SYN3: variants seen among roughly 807,000 people sequenced by gnomAD.
SYN3 encodes synapsin-3.
In SYN3, 35 loss-of-function variants were observed where a neutral mutation model predicts 65.8. The observed-to-expected ratio is 0.53, with a 90% CI of 0.41 to 0.70. SYN3 has a LOEUF of 0.70. Ranked by LOEUF, SYN3 falls within the 30% of genes least tolerant of loss-of-function variation. The pLI is 0.00. For missense variants in SYN3, 680 were observed against 749.0 expected (o/e 0.91, Z 1.08); for synonymous variants, 270 against 292.9 (o/e 0.92, Z 0.80).
chr22:32,961,206 G>A (rs2051640719), intron 3 of SYN3, among the ~76,000 whole-genome samples: 1 of 152,130 alleles, frequency 6.6e-6, no homozygotes, highest in South Asian at 2.1e-4. Context: ...ATGTCTCCAG[G>A]CATTGCCAAA....
intron 7 of SYN3, among the ~76,000 whole-genome samples, chr22:32,542,225 C>T (rs1413288332): frequency 2.0e-5 from 3 of 152,068 alleles, no homozygotes; most frequent in Non-Finnish European, 4.4e-5. Flanking sequence ...AGCAAAATCA[C>T]TGAAGCAGCT....
rs146903953 is a variant in SYN3, at chr22:32,775,535, T to C, written c.711+89380A>G. 3.3e-5 allele frequency among the ~76,000 whole-genome samples: 5 copies of C among 152,290 alleles called. No individual in the cohort carries two copies. The East Asian group carries it at 9.7e-4, about 29-fold the overall frequency. ...CCTTTGCATTGCAGTAGAGGACACATGTATCCTTAGCCTAATGCATCCTCC... is the reference window on the plus strand; with the variant it reads ...CCTTTGCATTGCAGTAGAGGACACACGTATCCTTAGCCTAATGCATCCTCC... On this transcript the variant is annotated intron_variant, in intron 6 of 13. Transcript: ENST00000358763.
At chr22:32,554,638 A>G (rs546417387) in intron 7 of SYN3, among the ~76,000 whole-genome samples, 75 of 152,268 alleles carry the variant, frequency 4.9e-4, no homozygotes, top group African/African-American at 1.5e-3. Context: ...AAAATAGCCA[A>G]TCGGAATTAG....
intron 6 of SYN3, among the ~76,000 whole-genome samples, chr22:32,698,811 T>C (rs2060772741): frequency 6.6e-6 from 1 of 152,214 alleles, no homozygotes; most frequent in South Asian, 2.1e-4. Flanking sequence ...CTGTAGGAAG[T>C]AAATACTATT....
chr22:33,043,261 G>GC (rs1342373367), intron 1 of SYN3, among the ~76,000 whole-genome samples: 1 of 152,178 alleles, frequency 6.6e-6, no homozygotes. Context: ...AAAAGCACAA[G>GC]CAAGAGCTGG....
intron 7 of SYN3, among the ~76,000 whole-genome samples, chr22:32,542,965 C>T (rs901894753): frequency 6.6e-6 from 1 of 152,146 alleles, no homozygotes; most frequent in East Asian, 1.9e-4. Context: ...CTCACCCCGA[C>T]AGCAGAGGAG....
intron 2 of SYN3, among the ~76,000 whole-genome samples, chr22:32,989,988 A>G (rs1412171171): frequency 6.6e-6 from 1 of 152,226 alleles, no homozygotes; most frequent in African/African-American, 2.4e-5. Context: ...AGGCTACATC[A>G]TGCCTTCAGC....
At chr22:32,782,256 CG>C (rs1225738246) in intron 6 of SYN3, among the ~76,000 whole-genome samples, 1 of 151,536 alleles carries the variant, frequency 6.6e-6, no homozygotes, top group Non-Finnish European at 1.5e-5. Context: ...TTAATAGAGA[CG>C]GGGTTTTACC....
intron 7 of SYN3, among the ~76,000 whole-genome samples, chr22:32,594,095 G>C (rs2059164012): frequency 6.6e-6 from 1 of 152,062 alleles, no homozygotes. Context: ...TAGTGGAGTG[G>C]AGGGGGCTGG....
chr22:32,611,367 C>A (rs916197230), intron 6 of SYN3, among the ~76,000 whole-genome samples: 1 of 147,046 alleles, frequency 6.8e-6, no homozygotes, highest in African/African-American at 2.5e-5. Context: ...CATCTCGGCT[C>A]ACTGCAACCT....
rs56070943 is a variant in SYN3 at position 32,835,829 on chromosome 22, T to C, written c.711+29086A>G. On this transcript the variant is annotated intron_variant, in intron 6 of 13. Transcript: ENST00000358763. Reference sequence around the variant, plus strand: ...AGAGCCCTGGGGCCCACCCAGCTTGTAAGTGGAGATTTGAATCCAGACTTC... The same window carrying C: ...AGAGCCCTGGGGCCCACCCAGCTTGCAAGTGGAGATTTGAATCCAGACTTC... Among the ~76,000 whole-genome samples, 552 of 152,290 alleles carry C rather than the reference T, an allele frequency of 3.6e-3. 4 individuals carry two copies. The highest frequency in any genetic ancestry group is 9.1e-3 in the South Asian group (44 of 4,818).
At chr22:32,707,627 A>G (rs958917727) in intron 6 of SYN3, among the ~76,000 whole-genome samples, 1 of 152,180 alleles carries the variant, frequency 6.6e-6, no homozygotes, top group African/African-American at 2.4e-5. Context: ...CTCTTGAGGC[A>G]TCTGGGAGGC....
intron 6 of SYN3, among the ~76,000 whole-genome samples, chr22:32,652,805 A>C (rs1199523743): frequency 6.6e-6 from 1 of 152,136 alleles, no homozygotes; most frequent in Non-Finnish European, 1.5e-5. Context: ...GGAGATCAGA[A>C]CCGAGAGGTC....
chr22:32,544,231 C>A (rs778990806), intron 7 of SYN3, among the ~76,000 whole-genome samples: 2 of 152,242 alleles, frequency 1.3e-5, no homozygotes, highest in African/African-American at 2.4e-5. Context: ...AGCCACTGCG[C>A]CTGGCCCCTA....
intron 6 of SYN3, among the ~76,000 whole-genome samples, chr22:32,831,737 C>T (rs2047580107): frequency 6.6e-6 from 1 of 152,148 alleles, no homozygotes; most frequent in South Asian, 2.1e-4. Context: ...GCATTAATGT[C>T]CAGTGCTCCC....
intron 6 of SYN3, among the ~76,000 whole-genome samples, chr22:32,734,628 G>A (rs941040422): frequency 6.6e-6 from 1 of 152,192 alleles, no homozygotes; most frequent in Non-Finnish European, 1.5e-5. Context: ...GACAGAGAAG[G>A]ATAAAGACGA....
At chr22:32,838,440 C>T (rs2047799399) in intron 6 of SYN3, among the ~76,000 whole-genome samples, 1 of 152,076 alleles carries the variant, frequency 6.6e-6, no homozygotes, top group South Asian at 2.1e-4. Context: ...GCAAGGAGTG[C>T]CTTGGGTGGA....
intron 6 of SYN3, among the ~76,000 whole-genome samples, chr22:32,609,345 A>T (rs1055129979): frequency 4.6e-5 from 7 of 152,120 alleles, no homozygotes; most frequent in African/African-American, 1.2e-4. Flanking sequence ...ATAAATAAAT[A>T]AAATAAAATA....
intron 6 of SYN3, among the ~76,000 whole-genome samples, chr22:32,757,256 G>T (rs1487906319): frequency 6.6e-6 from 1 of 150,484 alleles, no homozygotes; most frequent in Admixed American, 6.6e-5. Context: ...TTAAACTGGA[G>T]TTAAGATTGC....
Sources: allele counts gnomAD v4.1 joint callset (sites outside exome capture counted in the v4.1 genomes callset), GRCh38; gene constraint gnomAD v4.1.1; transcripts MANE v1.5; gene names NCBI Gene and HGNC (gene_info 2026-07-23, HGNC 2026-07-21).